Variants in MTRF1L observed in about 807,000 individuals in gnomAD.
MTRF1L encodes the protein mitochondrial translation release factor 1 like, also known as peptide chain release factor 1-like, mitochondrial.
A neutral mutation model predicts 40.0 loss-of-function variants in MTRF1L; 29 were observed. The ratio of observed to expected loss-of-function variants is 0.73; its 90% confidence interval spans 0.54 to 0.99. The LOEUF is 0.99. Among genes scored for constraint, MTRF1L ranks in the 50% least tolerant of loss-of-function variants. The probability of loss-of-function intolerance (pLI) is 0.00; values close to 1 mark genes in which losing one functional copy is unlikely to be tolerated. For missense variants in MTRF1L, 412 were observed against 464.5 expected (o/e 0.89, Z 1.04); for synonymous variants, 150 against 175.8 (o/e 0.85, Z 1.16).
chr6:152,995,018 A>G, intron 3 of MTRF1L, 118 bp downstream of exon 3: 1 of 954,892 alleles, frequency 1.0e-6, no homozygotes, highest in African/African-American at 1.7e-5. Context: ...TTTATTAGGT[A>G]AATGATGAGC....
intron 2 of MTRF1L, among the ~76,000 whole-genome samples, chr6:152,997,100 GA>G (rs891901486): frequency 1.3e-5 from 2 of 152,146 alleles, no homozygotes; most frequent in Non-Finnish European, 2.9e-5. Flanking sequence ...GATGCTTTAT[GA>G]AAAGTTTATG....
intron 1 of MTRF1L, among the ~76,000 whole-genome samples, chr6:152,999,312 C>T (rs1260703183): frequency 5.9e-5 from 9 of 152,162 alleles, no homozygotes; most frequent in Non-Finnish European, 1.3e-4. Flanking sequence ...AAATTTCTGG[C>T]TATTAACAAA....
intron 1 of MTRF1L, among the ~76,000 whole-genome samples, chr6:153,001,837 TTTC>T: frequency 6.6e-6 from 1 of 152,386 alleles, no homozygotes; most frequent in East Asian, 1.9e-4. Flanking sequence ...ACCATTAACT[TTTC>T]TTTACAAAGA....
At chr6:152,990,125 C>G (rs760971274) in intron 6 of MTRF1L, 30 bp from the exon 7 acceptor site, 1 of 1,604,578 alleles carries the variant, frequency 6.2e-7, no homozygotes, top group Non-Finnish European at 8.5e-7. Context: ...TGAGATGCAG[C>G]TAGATTCAGG....
chr6:152,998,521 A>C (rs191549606), intron 2 of MTRF1L, 29 bp downstream of exon 2: 1 of 1,489,102 alleles, frequency 6.7e-7, no homozygotes, highest in Non-Finnish European at 9.1e-7. Context: ...AATAGCACAA[A>C]TGCTTTATTC....
Position 152,995,145 on chromosome 6 carries a change from T to C in MTRF1L, c.514A>G (p.Ser172Gly), listed in dbSNP as rs767931902. ...WHFETLEYFP[S>G]ELGGLRHASA... is the part of the protein sequence containing the mutation. ...TGAATAGTTTACTGACCTAGTTCAC[T>C]TGGAAAATATTCCAGGGTTTCAAAA... Residue 172 changes from serine to glycine, a missense_variant, in exon 3 of 7, where the codon AGT becomes GGT. By Grantham distance (56) the Ser-to-Gly change is moderately conservative. Coordinates refer to ENST00000367233, the MANE Select transcript of MTRF1L (RefSeq NM_019041.7). The C allele has an allele frequency of 2.5e-6, 4 of 1,603,112 alleles. No homozygotes were observed. In the Admixed American group the frequency reaches 6.9e-5, roughly 28 times the overall value.
chr6:153,000,154 A>G (rs965069195), intron 1 of MTRF1L, among the ~76,000 whole-genome samples: 3 of 152,226 alleles, frequency 2.0e-5, no homozygotes, highest in African/African-American at 7.2e-5. Context: ...TTCAGTTATG[A>G]CAAGAATGAA....
rs377542104 is a variant in MTRF1L, at chr6:153,002,517, A to G, written c.169T>C (p.Leu57=). The G allele has an allele frequency of 1.8e-5, 29 of 1,611,732 alleles. No homozygotes were observed. Among genetic ancestry groups the G allele is most frequent in the South Asian group, 3.3e-5 (3 of 90,924 alleles). The stretch of plus-strand genomic sequence containing the variant: ...AGCAACTCGGGCCTCCTGACCTTCA[A>G]ATGGGCTTCAGACCCCGCCTGGCGC... ...LERQAGSEAH[L]KVRRPELLAV... Residue 57 remains leucine, a synonymous_variant, in exon 1 of 7, where the codon TTG becomes CTG. Transcript: ENST00000367233.
intron 1 of MTRF1L, among the ~76,000 whole-genome samples, chr6:153,002,128 C>T (rs1449111580): frequency 2.0e-5 from 3 of 152,200 alleles, no homozygotes; most frequent in Non-Finnish European, 4.4e-5. Context: ...AGAAACACCG[C>T]TGTGGAGCCC....
rs779414904 is a variant in MTRF1L at position 152,994,682 on chromosome 6, A to T, written c.524-6T>A. 1 of 1,614,076 alleles carries T rather than the reference A, an allele frequency of 6.2e-7. No homozygotes were observed. Among genetic ancestry groups the T allele is most frequent in the Non-Finnish European group, 8.5e-7 (1 of 1,179,912 alleles). On this transcript the variant is annotated splice_polypyrimidine_tract_variant and splice_region_variant and intron_variant, in intron 3 of 6. Transcript: ENST00000367233. ...AGATGCATGTCTAAGGCCACCTTGA[A>T]AATACAGGGAAATAGAATTATTTTT...
At chr6:153,002,226 A>G (rs1200007213) in intron 1 of MTRF1L, among the ~76,000 whole-genome samples, 1 of 152,224 alleles carries the variant, frequency 6.6e-6, no homozygotes, top group East Asian at 1.9e-4. Flanking sequence ...AAGGCGGCAG[A>G]GCGCCGTGGC....
intron 4 of MTRF1L, among the ~76,000 whole-genome samples, 187 bp downstream of exon 4, chr6:152,994,326 G>A (rs1778631902): frequency 6.6e-6 from 1 of 151,946 alleles, no homozygotes; most frequent in African/African-American, 2.4e-5. Flanking sequence ...ATGCAACATT[G>A]TATCATTTAC....
chr6:152,995,392 T>C (rs1444075455), intron 2 of MTRF1L, 73 bp from the exon 3 acceptor site: 1 of 1,290,250 alleles, frequency 7.8e-7, no homozygotes, highest in Admixed American at 2.9e-5. Context: ...AGCTAAATGA[T>C]TCAGGAATTT....
At chr6:152,991,154 T>C in intron 6 of MTRF1L, 31 bp downstream of exon 6, 4 of 1,388,596 alleles carry the variant, frequency 2.9e-6, no homozygotes, top group Non-Finnish European at 3.9e-6. Flanking sequence ...ATTTCTATCC[T>C]TTAAAAGCAT....
At position 152,994,642 on chromosome 6, in the gene MTRF1L, AC is replaced by A. The variant is rs1438686273; in HGVS notation, c.557del (p.Gly186ValfsTer8). ...ATTTCATGTGCCTATAGGCTTCTGA[AC>A]CCCCAATGCTGGCAGATGCATGTCT... Reference protein sequence around the residue: ...GLRHASASIGGSEAYRHMKFE... With the variant: ...GLRHASASIGXSEAYRHMKFE... On this transcript the variant is annotated frameshift_variant, in exon 4 of 7. Transcript: ENST00000367233. LOFTEE classifies it high-confidence loss of function. 2 of 1,613,922 alleles carry A rather than the reference AC, an allele frequency of 1.2e-6. No homozygotes were observed. Among genetic ancestry groups the A allele is most frequent in the Non-Finnish European group, 1.7e-6 (2 of 1,180,000 alleles).
chr6:152,991,175 C>T lies in MTRF1L; in HGVS notation c.942+10G>A, dbSNP rs572377232. ...ATCCTTTAAAAGCATTTTTAAAATT[C>T]TTTTTTTACCTGAATTTTTCTAGCA... On this transcript the variant is annotated intron_variant, in intron 6 of 6. Coordinates refer to ENST00000367233, the MANE Select transcript of MTRF1L (RefSeq NM_019041.7). 29 of 1,136,236 alleles carry T rather than the reference C, an allele frequency of 2.6e-5. No homozygotes were observed. The highest frequency in any genetic ancestry group is 4.1e-5 in the South Asian group (2 of 49,190). 70.4% of individuals were successfully genotyped at this position (1,136,236 alleles called of 1,614,324 possible). A position where few individuals can be genotyped will look rare whatever the true frequency, so the allele number is the denominator to read the frequency against.
rs1197270347 is a variant in MTRF1L, at chr6:152,998,602, G to C, written c.287C>G (p.Ala96Gly). 6.3e-7 allele frequency: 1 copy of C among 1,596,146 alleles called. No individual in the cohort carries two copies. Among genetic ancestry groups the C allele is most frequent in the Admixed American group, 1.8e-5 (1 of 56,366 alleles). Residue 96 changes from alanine (A) to glycine (G), a missense_variant, in exon 2 of 7, where the codon GCA (alanine) becomes GGA (glycine). Physicochemically the swap from Ala to Gly is moderately conservative, Grantham distance 60. Coordinates refer to ENST00000367233, the MANE Select transcript of MTRF1L (RefSeq NM_019041.7). Reference protein sequence around the residue: ...HDENEDLRKLAENEITLCQKE... With the variant: ...HDENEDLRKLGENEITLCQKE... ...TTGACACAAAGTGATTTCATTCTCT[G>C]CAAGTTTCCTTAAATCTTCATTCTC...
intron 2 of MTRF1L, among the ~76,000 whole-genome samples, 169 bp from the exon 3 acceptor site, chr6:152,995,488 A>T (rs1225135053): frequency 1.3e-5 from 2 of 152,198 alleles, no homozygotes; most frequent in Non-Finnish European, 2.9e-5. Context: ...TATAATGTGT[A>T]ACTTCCATAA....
intron 4 of MTRF1L, among the ~76,000 whole-genome samples, chr6:152,993,456 A>G (rs1473145523): frequency 6.6e-6 from 1 of 152,234 alleles, no homozygotes; most frequent in African/African-American, 2.4e-5. Context: ...AGAAGTCATG[A>G]GTCTCAATTC....
Sources: gnomAD v4.1 joint callset for allele counts (sites outside exome capture counted in the v4.1 genomes callset) on GRCh38, gnomAD v4.1.1 for gene constraint, MANE v1.5 for transcripts, NCBI Gene and HGNC (gene_info 2026-07-23, HGNC 2026-07-21) for gene names.